Variants in TDRD3 observed in about 807,000 individuals in gnomAD.
TDRD3 encodes tudor domain-containing protein 3.
In TDRD3, 45 loss-of-function variants were observed where a neutral mutation model predicts 86.7. The observed-to-expected ratio is 0.52, with a 90% CI of 0.41 to 0.67. The LOEUF is 0.67. Ranked by LOEUF, TDRD3 falls within the 30% of genes least tolerant of loss-of-function variation. The probability of loss-of-function intolerance (pLI) is 0.00; values close to 1 mark genes in which losing one functional copy is unlikely to be tolerated. For missense variants in TDRD3, 814 were observed against 889.0 expected (o/e 0.92, Z 1.07); for synonymous variants, 298 against 301.7 (o/e 0.99, Z 0.13).
At chr13:60,475,838 CT>C (rs1196494559) in intron 5 of TDRD3, among the ~76,000 whole-genome samples, 8 of 152,084 alleles carry the variant, frequency 5.3e-5, no homozygotes, top group Non-Finnish European at 1.0e-4. Flanking sequence ...ATTTGTATGT[CT>C]TCTTTTGAGA....
intron 7 of TDRD3, among the ~76,000 whole-genome samples, chr13:60,490,282 T>C (rs1956557383): frequency 6.6e-6 from 1 of 152,058 alleles, no homozygotes; most frequent in South Asian, 2.1e-4. Context: ...GTCCTCAAGA[T>C]AGTGAGAGCT....
At chr13:60,572,062 G>A (rs1402834408) in intron 13 of TDRD3, among the ~76,000 whole-genome samples, 2 of 152,160 alleles carry the variant, frequency 1.3e-5, no homozygotes, top group East Asian at 1.9e-4. Context: ...CCAAAACTTT[G>A]TGCGTTTGGA....
intron 7 of TDRD3, among the ~76,000 whole-genome samples, chr13:60,491,796 GT>G (rs66662608): frequency 0.011 from 1,598 of 143,912 alleles, 19 homozygotes; most frequent in Middle Eastern, 0.029. Flanking sequence ...ATTATTTCAG[GT>G]TTTTTTTTTT....
intron 10 of TDRD3, among the ~76,000 whole-genome samples, chr13:60,512,722 C>A (rs922668129): frequency 1.3e-5 from 2 of 152,228 alleles, no homozygotes; most frequent in Non-Finnish European, 2.9e-5. Context: ...CCATGTCTCA[C>A]ATCTAGGTTA....
intron 8 of TDRD3, among the ~76,000 whole-genome samples, chr13:60,508,321 A>T (rs1956981752): frequency 1.3e-5 from 2 of 152,206 alleles, no homozygotes; most frequent in South Asian, 4.1e-4. Flanking sequence ...GACAATCCTA[A>T]GCAAAAAGAA....
At chr13:60,505,575 A>G (rs1566252481) in intron 8 of TDRD3, among the ~76,000 whole-genome samples, 1 of 152,232 alleles carries the variant, frequency 6.6e-6, no homozygotes, top group Admixed American at 6.5e-5. Context: ...CTCTCAGCAC[A>G]GTGCTTCTTA....
intron 9 of TDRD3, 56 bp from the exon 10 acceptor site, chr13:60,510,574 T>C: frequency 6.9e-7 from 1 of 1,443,322 alleles, no homozygotes; most frequent in Non-Finnish European, 9.2e-7. Context: ...TATTAGTATA[T>C]ATTCTCTTTT....
chr13:60,421,741 C>T (rs904245016), intron 1 of TDRD3, among the ~76,000 whole-genome samples: 1 of 151,998 alleles, frequency 6.6e-6, no homozygotes, highest in East Asian at 1.9e-4. Flanking sequence ...AAAAGCCAGC[C>T]CCATGGTTCC....
intron 5 of TDRD3, among the ~76,000 whole-genome samples, chr13:60,481,106 A>T (rs2137485120): frequency 6.6e-6 from 1 of 152,218 alleles, no homozygotes; most frequent in South Asian, 2.1e-4. Context: ...CTGGTGGGGC[A>T]GTGGGGGCTG....
chr13:60,556,000 G>A (rs1051741602), intron 12 of TDRD3, among the ~76,000 whole-genome samples: 4 of 151,880 alleles, frequency 2.6e-5, no homozygotes, highest in Non-Finnish European at 4.4e-5. Context: ...ACAGGCGCCC[G>A]CCACCATGCC....
chr13:60,552,017 A>G (rs1958068940), intron 12 of TDRD3, among the ~76,000 whole-genome samples: 1 of 152,302 alleles, frequency 6.6e-6, no homozygotes, highest in African/African-American at 2.4e-5. Flanking sequence ...ACACAGAGCC[A>G]AACCATATCT....
At chr13:60,421,528 T>C (rs375180493) in intron 1 of TDRD3, among the ~76,000 whole-genome samples, 35 of 152,230 alleles carry the variant, frequency 2.3e-4, no homozygotes, top group African/African-American at 8.2e-4. Flanking sequence ...TCAGTTTGTC[T>C]ATTTGCTGAA....
chr13:60,452,149 C>T (rs1955562856), intron 3 of TDRD3, among the ~76,000 whole-genome samples: 1 of 152,144 alleles, frequency 6.6e-6, no homozygotes, highest in South Asian at 2.1e-4. Flanking sequence ...CTTGCATGAG[C>T]TGGCTCCAGC....
chr13:60,431,459 C>T (rs1456117088), intron 1 of TDRD3, among the ~76,000 whole-genome samples: 1 of 151,486 alleles, frequency 6.6e-6, no homozygotes, highest in Non-Finnish European at 1.5e-5. Context: ...AAGGATTTTC[C>T]CTAGAAATTT....
intron 6 of TDRD3, among the ~76,000 whole-genome samples, chr13:60,484,250 G>T (rs367724611): frequency 6.6e-6 from 1 of 152,222 alleles, no homozygotes; most frequent in South Asian, 2.1e-4. Flanking sequence ...CTTTGAAGCA[G>T]CCCCCCTTCT....
chr13:60,467,561 T>C (rs1013854232), intron 5 of TDRD3, among the ~76,000 whole-genome samples, 182 bp downstream of exon 5: 1 of 152,242 alleles, frequency 6.6e-6, no homozygotes, highest in Non-Finnish European at 1.5e-5. Flanking sequence ...AGATATACTT[T>C]TTCAGTATTT....
intron 1 of TDRD3, among the ~76,000 whole-genome samples, 192 bp downstream of exon 1, chr13:60,397,597 T>G (rs1953960187): frequency 6.8e-6 from 1 of 147,382 alleles, no homozygotes; most frequent in Non-Finnish European, 1.5e-5. Context: ...CTAGGTCCCC[T>G]GGAGGCGGCG....
At chr13:60,453,518 C>T (rs147608540) in intron 3 of TDRD3, among the ~76,000 whole-genome samples, 2 of 152,236 alleles carry the variant, frequency 1.3e-5, no homozygotes, top group East Asian at 1.9e-4. Flanking sequence ...AGGTTTGGTA[C>T]GTAAAATGAA....
chr13:60,507,489 T>C (rs1202218054), intron 8 of TDRD3, among the ~76,000 whole-genome samples: 3 of 152,158 alleles, frequency 2.0e-5, no homozygotes, highest in African/African-American at 4.8e-5. Context: ...AATAACAGTC[T>C]GTCAGACCAC....
Sources: gnomAD v4.1 joint callset for allele counts (sites outside exome capture counted in the v4.1 genomes callset) on GRCh38, gnomAD v4.1.1 for gene constraint, MANE v1.5 for transcripts, NCBI Gene and HGNC (gene_info 2026-07-23, HGNC 2026-07-21) for gene names.